Variants in LUZP2 observed in about 807,000 individuals in gnomAD.
LUZP2 encodes leucine zipper protein 2.
Under a neutral mutation model 51.6 loss-of-function variants are expected in LUZP2, and 52 were observed. The observed-to-expected ratio is 1.01, with a 90% CI of 0.81 to 1.27. The LOEUF is 1.27. Ranked by LOEUF, LUZP2 falls within the 50% of genes most tolerant of loss-of-function variation. LUZP2 has a pLI of 0.00. For synonymous variants in LUZP2, 154 were observed against 137.3 expected (o/e 1.12, Z -0.85); for missense variants, 436 against 395.4 (o/e 1.10, Z -0.87).
intron 5 of LUZP2, among the ~76,000 whole-genome samples, chr11:24,899,176 C>CT (rs1039001636): frequency 6.2e-4 from 95 of 152,038 alleles, no homozygotes; most frequent in African/African-American, 2.1e-3. Flanking sequence ...TCAGGGATAC[C>CT]TTTTTTGATT....
intron 7 of LUZP2, among the ~76,000 whole-genome samples, chr11:24,959,089 G>T (rs1395473418): frequency 6.6e-6 from 1 of 151,920 alleles, no homozygotes; most frequent in Non-Finnish European, 1.5e-5. Context: ...ATTTCTGAGG[G>T]CTCTGTTCTG....
intron 1 of LUZP2, among the ~76,000 whole-genome samples, chr11:24,702,131 T>C (rs1272399953): frequency 6.6e-6 from 1 of 152,224 alleles, no homozygotes; most frequent in Non-Finnish European, 1.5e-5. Flanking sequence ...CACTATTCAA[T>C]TGTGAATTGT....
intron 1 of LUZP2, among the ~76,000 whole-genome samples, chr11:24,607,973 C>T (rs1171655461): frequency 2.0e-5 from 3 of 152,000 alleles, no homozygotes. Context: ...CTCAGCCTCC[C>T]GAGTAGCTGG....
chr11:24,962,182 T>G (rs1384953046), intron 7 of LUZP2, among the ~76,000 whole-genome samples: 7 of 152,148 alleles, frequency 4.6e-5, no homozygotes, highest in Non-Finnish European at 8.8e-5. Flanking sequence ...CCCTTAACAT[T>G]TTTTCCTTCA....
At chr11:24,904,155 A>G (rs554879357) in intron 5 of LUZP2, among the ~76,000 whole-genome samples, 19 of 152,224 alleles carry the variant, frequency 1.2e-4, no homozygotes, top group African/African-American at 4.6e-4. Context: ...TTGCCTTTTG[A>G]TAATAACCAT....
chr11:25,078,857 C>T lies in LUZP2; in HGVS notation c.*199C>T. ...GCAATAACCTCATTGAATTGAATAC[C>T]CACAGTCAGAAATATTTTGTTGTCA... On this transcript the variant is annotated 3_prime_UTR_variant, in exon 12 of 12. Coordinates refer to ENST00000336930, the MANE Select transcript of LUZP2 (RefSeq NM_001009909.4). 1 of 494,630 alleles carries T rather than the reference C, an allele frequency of 2.0e-6. No individual in the cohort carries two copies. 30.6% of individuals were successfully genotyped at this position (494,630 alleles called of 1,614,324 possible).
chr11:24,864,143 T>C (rs1851818283), intron 5 of LUZP2, among the ~76,000 whole-genome samples: 2 of 152,278 alleles, frequency 1.3e-5, no homozygotes, highest in African/African-American at 4.8e-5. Flanking sequence ...ATAATGGTAA[T>C]AGTGCTACTA....
chr11:24,713,651 A>C (rs927457661), intron 1 of LUZP2, among the ~76,000 whole-genome samples: 2 of 147,038 alleles, frequency 1.4e-5, no homozygotes, highest in African/African-American at 5.0e-5. Context: ...CTACACCACG[A>C]CACTCTATCC....
chr11:24,555,902 C>T (rs1351713374), intron 1 of LUZP2, among the ~76,000 whole-genome samples: 1 of 152,150 alleles, frequency 6.6e-6, no homozygotes, highest in African/African-American at 2.4e-5. Flanking sequence ...TGCTTGAGCA[C>T]AGGAGGTCAA....
intron 1 of LUZP2, among the ~76,000 whole-genome samples, chr11:24,540,569 A>G (rs1189148548): frequency 6.6e-6 from 1 of 152,152 alleles, no homozygotes; most frequent in African/African-American, 2.4e-5. Flanking sequence ...AGCATCCAGA[A>G]GTGTGAGAAA....
chr11:24,930,857 T>G (rs900245907), intron 7 of LUZP2, among the ~76,000 whole-genome samples: 6 of 152,186 alleles, frequency 3.9e-5, no homozygotes, highest in African/African-American at 1.4e-4. Flanking sequence ...TCAGGAACAC[T>G]AATTATTCTT....
chr11:24,617,875 A>G (rs1854343311), intron 1 of LUZP2, among the ~76,000 whole-genome samples: 1 of 152,082 alleles, frequency 6.6e-6, no homozygotes, highest in African/African-American at 2.4e-5. Context: ...TAAATTAAAT[A>G]AAACACCTGG....
chr11:25,006,350 C>T (rs537217036), intron 9 of LUZP2, among the ~76,000 whole-genome samples: 14 of 152,218 alleles, frequency 9.2e-5, no homozygotes, highest in South Asian at 4.1e-4. Context: ...CTCGCTTGGG[C>T]GACATGACTT....
At chr11:24,567,548 G>A (rs1309027839) in intron 1 of LUZP2, among the ~76,000 whole-genome samples, 1 of 151,912 alleles carries the variant, frequency 6.6e-6, no homozygotes, top group Non-Finnish European at 1.5e-5. Context: ...AATATTGAAA[G>A]CCAAAGTTAA....
At chr11:24,837,404 G>A (rs2631482) in intron 5 of LUZP2, among the ~76,000 whole-genome samples, 23,734 of 151,154 alleles carry the variant, frequency 0.16, 2,066 homozygotes, top group African/African-American at 0.22. Context: ...TTCACTGATC[G>A]TCTGAGCCCT....
At chr11:24,707,828 G>A (rs143192458) in intron 1 of LUZP2, among the ~76,000 whole-genome samples, 1 of 152,102 alleles carries the variant, frequency 6.6e-6, no homozygotes, top group Non-Finnish European at 1.5e-5. Flanking sequence ...TCTCAGCAAG[G>A]CAAGGTACTT....
At chr11:24,959,606 C>A (rs1440997375) in intron 7 of LUZP2, among the ~76,000 whole-genome samples, 2 of 152,034 alleles carry the variant, frequency 1.3e-5, no homozygotes, top group African/African-American at 2.4e-5. Context: ...GATTTTGTAT[C>A]CTGAGACTTT....
chr11:24,670,783 T>C (rs968958039), intron 1 of LUZP2, among the ~76,000 whole-genome samples: 4 of 151,978 alleles, frequency 2.6e-5, no homozygotes, highest in East Asian at 3.9e-4. Flanking sequence ...TTTTAGTTTA[T>C]GTAAAGTTGG....
At chr11:24,591,365 G>A (rs577481473) in intron 1 of LUZP2, among the ~76,000 whole-genome samples, 1 of 152,144 alleles carries the variant, frequency 6.6e-6, no homozygotes, top group Non-Finnish European at 1.5e-5. Context: ...ATATCCCACC[G>A]CTGATGCCTT....
Sources: allele counts gnomAD v4.1 joint callset (sites outside exome capture counted in the v4.1 genomes callset), GRCh38; gene constraint gnomAD v4.1.1; transcripts MANE v1.5; gene names NCBI Gene and HGNC (gene_info 2026-07-23, HGNC 2026-07-21).